Variants in HEPHL1 observed in about 807,000 individuals in gnomAD.
HEPHL1 encodes hephaestin like 1.
HEPHL1 carries 123 observed loss-of-function variants against 122.0 expected under a neutral mutation model. The ratio of observed to expected loss-of-function variants is 1.01; its 90% confidence interval spans 0.87 to 1.17. The LOEUF (loss-of-function observed/expected upper bound fraction) is 1.17. Among genes scored for constraint, HEPHL1 ranks in the 50% most tolerant of loss-of-function variants. The pLI is 0.00. For missense variants in HEPHL1, 1,452 were observed against 1,430.5 expected (o/e 1.01, Z -0.24); for synonymous variants, 527 against 508.9 (o/e 1.04, Z -0.48).
At chr11:94,032,190 T>A (rs1945681649) in intron 1 of HEPHL1, among the ~76,000 whole-genome samples, 1 of 152,220 alleles carries the variant, frequency 6.6e-6, no homozygotes, top group Non-Finnish European at 1.5e-5. Context: ...CCTGAAATGC[T>A]TCCAGCTCCC....
chr11:94,056,660 T>TCTATCTATCTAG (rs1491157610), intron 2 of HEPHL1, among the ~76,000 whole-genome samples: 1 of 126,552 alleles, frequency 7.9e-6, no homozygotes, highest in Admixed American at 7.6e-5. Context: ...TTATTGATTA[T>TCTATCTATCTAG]CTATCTATCT....
intron 10 of HEPHL1, among the ~76,000 whole-genome samples, chr11:94,084,655 G>A (rs1946200867): frequency 1.3e-5 from 2 of 152,106 alleles, no homozygotes; most frequent in Admixed American, 6.6e-5. Context: ...AGCATTCCAA[G>A]GCAAGAGAAG....
chr11:94,070,031 G>A (rs1388967999), intron 5 of HEPHL1, among the ~76,000 whole-genome samples: 1 of 152,078 alleles, frequency 6.6e-6, no homozygotes, highest in Non-Finnish European at 1.5e-5. Context: ...TAAGGTTTGA[G>A]TACTATTTGA....
intron 2 of HEPHL1, among the ~76,000 whole-genome samples, chr11:94,057,544 T>C (rs886811045): frequency 1.3e-5 from 2 of 152,154 alleles, no homozygotes; most frequent in African/African-American, 2.4e-5. Flanking sequence ...TTGAATATAT[T>C]GTTGAGCTCC....
At chr11:94,094,062 A>G (rs1456878358) in intron 13 of HEPHL1, among the ~76,000 whole-genome samples, 1 of 144,838 alleles carries the variant, frequency 6.9e-6, no homozygotes, top group African/African-American at 2.6e-5. Flanking sequence ...GGTTTGTTAC[A>G]TATGTATACA....
chr11:94,067,769 A>G lies in HEPHL1; in HGVS notation c.1063+19A>G. 3 of 1,611,940 alleles carry G rather than the reference A, an allele frequency of 1.9e-6. No homozygotes were observed. The South Asian group carries it at 3.3e-5, about 18-fold the overall frequency. The stretch of plus-strand genomic sequence containing the variant: ...CTACAAGGTAAAAAGGATAAAGACC[A>G]GAGTTGATATGTTTAGAATGGTACA... On this transcript the variant is annotated intron_variant, in intron 5 of 19. Coordinates refer to ENST00000315765, the MANE Select transcript of HEPHL1 (RefSeq NM_001098672.2).
rs7130964 is a variant in HEPHL1, at chr11:94,077,738, T to C, written c.1716+2353T>C. Among the ~76,000 whole-genome samples, 231 of 152,342 alleles carry C rather than the reference T, an allele frequency of 1.5e-3. 1 individual carries two copies. The highest frequency in any genetic ancestry group is 5.3e-3 in the African/African-American group (221 of 41,590). ...CACTATTTAGACATGCCCCAGCCTC[T>C]TGTTCCCACAAGTGGGCACCACGCT... is the stretch of plus-strand genomic sequence containing the variant. On this transcript the variant is annotated intron_variant, in intron 9 of 19. Coordinates refer to ENST00000315765, the MANE Select transcript of HEPHL1 (RefSeq NM_001098672.2).
chr11:94,076,263 A>G (rs1946122735), intron 9 of HEPHL1, among the ~76,000 whole-genome samples: 1 of 152,136 alleles, frequency 6.6e-6, no homozygotes, highest in Non-Finnish European at 1.5e-5. Flanking sequence ...CACAAGGCAA[A>G]GCGGAATGAT....
intron 11 of HEPHL1, among the ~76,000 whole-genome samples, chr11:94,088,198 G>A (rs1462171638): frequency 1.3e-5 from 2 of 152,082 alleles, no homozygotes; most frequent in Non-Finnish European, 2.9e-5. Context: ...TTTTCATTTA[G>A]CATAATGTAG....
rs1206725763 is a variant in HEPHL1 at position 94,037,982 on chromosome 11, G to C, written c.171-7691G>C. On this transcript the variant is annotated intron_variant, in intron 1 of 19. Transcript: ENST00000315765. ...AGTTGAAAACTTTGAAAAAAATTTA[G>C]AAGAATGTATAACTAGAATAACCAA... Among the ~76,000 whole-genome samples the C allele has an allele frequency of 1.2e-3, 180 of 148,474 alleles. 1 individual carries two copies. The highest frequency in any genetic ancestry group is 3.5e-3 in the Middle Eastern group (1 of 282).
At chr11:94,075,110 C>T in intron 8 of HEPHL1, 64 bp from the exon 9 acceptor site, 2 of 1,418,750 alleles carry the variant, frequency 1.4e-6, no homozygotes, top group South Asian at 2.5e-5. Context: ...GCTGGAAGAC[C>T]CAGTCTGACC....
chr11:94,061,554 A>G (rs1018790757), intron 2 of HEPHL1, among the ~76,000 whole-genome samples: 4 of 152,138 alleles, frequency 2.6e-5, no homozygotes, highest in Admixed American at 2.0e-4. Flanking sequence ...GTTTTTTTAA[A>G]TGTCATTTGG....
intron 1 of HEPHL1, among the ~76,000 whole-genome samples, chr11:94,035,750 T>G (rs1945715013): frequency 6.6e-6 from 1 of 152,210 alleles, no homozygotes; most frequent in African/African-American, 2.4e-5. Context: ...TTTATTTTAT[T>G]TTTTGAGACG....
At position 94,086,008 on chromosome 11, in the gene HEPHL1, A is replaced by T; in HGVS notation, c.1899A>T (p.Pro633=). ...ACGGCTACATGTATGGCAACCAGCCAGGCTTAAACATGTGTAAAAGGGATA... is the reference window on the plus strand; with the variant it reads ...ACGGCTACATGTATGGCAACCAGCCTGGCTTAAACATGTGTAAAAGGGATA... The part of the protein sequence containing the change: ...AVNGYMYGNQ[P]GLNMCKRDRV... The change falls in exon 11 of 20, where the codon CCA becomes CCT. Residue 633 remains proline, a synonymous_variant. Coordinates refer to ENST00000315765, the MANE Select transcript of HEPHL1 (RefSeq NM_001098672.2). 1 of 1,613,888 alleles carries T rather than the reference A, an allele frequency of 6.2e-7. No individual in the cohort carries two copies. The highest frequency in any genetic ancestry group is 8.5e-7 in the Non-Finnish European group (1 of 1,179,854).
chr11:94,056,040 C>T (rs1945933475), intron 2 of HEPHL1: 3 of 535,082 alleles, frequency 5.6e-6, no homozygotes, highest in Admixed American at 3.6e-5. Context: ...GTCAGTTTTT[C>T]CTTCCTGTAT....
chr11:94,111,690 A>C lies in HEPHL1; in HGVS notation c.3278-2A>C. On this transcript the variant is annotated splice_acceptor_variant, in intron 19 of 19. Transcript: ENST00000315765. LOFTEE classifies it high-confidence loss of function. The stretch of plus-strand genomic sequence containing the variant: ...GGCCTGACAAGTTTATCTTTTTCAC[A>C]GAACGACCTGGCAAAGAGCAGCTCT... 6.2e-7 allele frequency: 1 copy of C among 1,612,762 alleles called. No homozygotes were observed. Among genetic ancestry groups the C allele is most frequent in the Admixed American group, 1.7e-5 (1 of 59,920 alleles).
At chr11:94,097,482 A>C (rs975695890) in intron 13 of HEPHL1, among the ~76,000 whole-genome samples, 11 of 152,194 alleles carry the variant, frequency 7.2e-5, no homozygotes, top group Admixed American at 3.3e-4. Context: ...GCTGAGAAGA[A>C]TGTTTATTCT....
At chr11:94,054,544 C>T (rs557415049) in intron 2 of HEPHL1, among the ~76,000 whole-genome samples, 20 of 152,222 alleles carry the variant, frequency 1.3e-4, no homozygotes, top group Non-Finnish European at 2.6e-4. Context: ...TCTCCAGCAC[C>T]TCTCTTCAGC....
At chr11:94,035,733 C>T (rs778451093) in intron 1 of HEPHL1, among the ~76,000 whole-genome samples, 2 of 152,072 alleles carry the variant, frequency 1.3e-5, no homozygotes, top group African/African-American at 4.8e-5. Context: ...ATGAAAGTCT[C>T]TTTTATTTTA....
Sources: gnomAD v4.1 joint callset for allele counts (sites outside exome capture counted in the v4.1 genomes callset) on GRCh38, gnomAD v4.1.1 for gene constraint, MANE v1.5 for transcripts, NCBI Gene and HGNC (gene_info 2026-07-23, HGNC 2026-07-21) for gene names.